The following PRR16 variants were observed in gnomAD, a reference collection of about 807,000 sequenced individuals.
PRR16 encodes protein Largen.
PRR16 carries 6 observed loss-of-function variants against 18.2 expected under a neutral mutation model. The ratio of observed to expected loss-of-function variants is 0.33; its 90% CI spans 0.18 to 0.65. The LOEUF is 0.65. Among genes scored for constraint, PRR16 ranks in the 30% least tolerant of loss-of-function variants. The probability of loss-of-function intolerance (pLI) is 0.74; values close to 1 mark genes in which losing one functional copy is unlikely to be tolerated. For missense variants in PRR16, 412 were observed against 376.6 expected (o/e 1.09, Z -0.78); for synonymous variants, 151 against 147.8 (o/e 1.02, Z -0.16).
At chr5:120,730,676 A>G in the PRR16 span, among the ~76,000 whole-genome samples, 1 of 152,158 alleles carries the variant, frequency 6.6e-6, no homozygotes, top group African/African-American at 2.4e-5. Context: ...TAACTAACTT[A>G]AGGTAATAGG....
At chr5:120,667,808 T>C (rs893573939) in intron 1 of PRR16, among the ~76,000 whole-genome samples, 1 of 152,208 alleles carries the variant, frequency 6.6e-6, no homozygotes, top group Admixed American at 6.5e-5. Flanking sequence ...GATTGCACTG[T>C]GGTCTGAGAG....
the PRR16 span, among the ~76,000 whole-genome samples, chr5:120,741,388 T>G: frequency 3.9e-5 from 6 of 152,176 alleles, no homozygotes; most frequent in African/African-American, 1.4e-4. Context: ...TTTTTACTTA[T>G]GCAACCATAT....
chr5:120,751,192 A>G, the PRR16 span, among the ~76,000 whole-genome samples: 1 of 152,108 alleles, frequency 6.6e-6, no homozygotes, highest in African/African-American at 2.4e-5. Flanking sequence ...TCATTGATCG[A>G]TGGGCACTTA....
chr5:120,767,737 A>C, the PRR16 span, among the ~76,000 whole-genome samples: 1 of 151,864 alleles, frequency 6.6e-6, no homozygotes, highest in South Asian at 2.1e-4. Context: ...TATTTAAAGA[A>C]AGGCAAATGA....
downstream of PRR16, among the ~76,000 whole-genome samples, chr5:120,691,028 G>A (rs1395284139): frequency 1.3e-5 from 2 of 152,042 alleles, no homozygotes; most frequent in Non-Finnish European, 2.9e-5. Context: ...TCAAATGTAG[G>A]TATATATATT....
intron 1 of PRR16, among the ~76,000 whole-genome samples, chr5:120,634,203 G>A (rs1165881660): frequency 6.6e-6 from 1 of 151,922 alleles, no homozygotes; most frequent in African/African-American, 2.4e-5. Context: ...AAATCAAGAT[G>A]GAAATTAAAA....
the PRR16 span, among the ~76,000 whole-genome samples, chr5:120,727,343 G>A: frequency 5.3e-5 from 8 of 151,924 alleles, no homozygotes; most frequent in East Asian, 1.2e-3. Flanking sequence ...GGTGTCTTCC[G>A]AAGAATCTGC....
the PRR16 span, among the ~76,000 whole-genome samples, chr5:120,732,335 C>A: frequency 6.6e-6 from 1 of 152,132 alleles, no homozygotes; most frequent in African/African-American, 2.4e-5. Flanking sequence ...TAGACTTTTC[C>A]TCCATTTTTT....
chr5:120,570,492 T>G (rs1752872455), intron 1 of PRR16, among the ~76,000 whole-genome samples: 1 of 152,174 alleles, frequency 6.6e-6, no homozygotes, highest in African/African-American at 2.4e-5. Context: ...AAACATGACC[T>G]AATGCAAGAA....
Position 120,530,285 on chromosome 5 carries a change from T to TATATATATATATA in PRR16, c.159+65640_159+65641insATATATATATATA, listed in dbSNP as rs375750842. ...TATATATATATATATATATATATAT[T>TATATATATATATA]TATTTATTTATTTATTTATTTATTT... On this transcript the variant is annotated intron_variant, in intron 1 of 1. Coordinates refer to ENST00000407149, the MANE Select transcript of PRR16 (RefSeq NM_001300783.2). Among the ~76,000 whole-genome samples the TATATATATATATA allele has an allele frequency of 3.5e-3, 298 of 84,106 alleles. 1 individual carries two copies. Among genetic ancestry groups the TATATATATATATA allele is most frequent in the African/African-American group, 5.8e-3 (111 of 19,236 alleles). 55.2% of individuals were successfully genotyped at this position (84,106 alleles called of 152,430 possible).
At chr5:120,611,225 G>A (rs1754323413) in intron 1 of PRR16, among the ~76,000 whole-genome samples, 1 of 152,158 alleles carries the variant, frequency 6.6e-6, no homozygotes. Context: ...AGTTTTATAA[G>A]GGAAGCAGAG....
chr5:120,775,562 T>G, the PRR16 span, among the ~76,000 whole-genome samples: 1 of 152,076 alleles, frequency 6.6e-6, no homozygotes, highest in South Asian at 2.1e-4. Context: ...CATTTCTATT[T>G]CATTCTTCAC....
At chr5:120,625,243 T>A (rs2112828850) in intron 1 of PRR16, among the ~76,000 whole-genome samples, 1 of 152,324 alleles carries the variant, frequency 6.6e-6, no homozygotes, top group East Asian at 1.9e-4. Context: ...AACTCAGTGA[T>A]GTTCTATCTT....
chr5:120,576,990 C>G (rs1217739128), intron 1 of PRR16, among the ~76,000 whole-genome samples: 4 of 151,832 alleles, frequency 2.6e-5, no homozygotes, highest in African/African-American at 9.7e-5. Flanking sequence ...TCCATTTGTT[C>G]TATTTCTCTG....
chr5:120,640,610 T>TA (rs1381288205), intron 1 of PRR16, among the ~76,000 whole-genome samples: 1 of 152,186 alleles, frequency 6.6e-6, no homozygotes, highest in Non-Finnish European at 1.5e-5. Context: ...TGGTTGCATG[T>TA]ACTTGTCAGT....
chr5:120,664,050 G>A (rs7703351), intron 1 of PRR16, among the ~76,000 whole-genome samples: 189 of 152,242 alleles, frequency 1.2e-3, no homozygotes, highest in African/African-American at 4.3e-3. Flanking sequence ...TGTAATCTCA[G>A]TACTTTTGGA....
chr5:120,778,979 G>A, the PRR16 span, among the ~76,000 whole-genome samples: 2 of 152,098 alleles, frequency 1.3e-5, no homozygotes, highest in African/African-American at 2.4e-5. Context: ...AAACAAGGAG[G>A]AGGGAGAAAT....
intron 1 of PRR16, among the ~76,000 whole-genome samples, chr5:120,606,714 G>A (rs975696159): frequency 6.6e-6 from 1 of 151,918 alleles, no homozygotes; most frequent in Admixed American, 6.6e-5. Flanking sequence ...TCAAGCTTGG[G>A]CAACATAGTG....
At chr5:120,499,766 CT>C (rs5870893) in intron 1 of PRR16, among the ~76,000 whole-genome samples, 41,951 of 145,312 alleles carry the variant, frequency 0.29, 7,316 homozygotes, top group African/African-American at 0.51. Flanking sequence ...TACTGATTAT[CT>C]TTTTTTTTTT....
Sources: allele counts gnomAD v4.1 joint callset (sites outside exome capture counted in the v4.1 genomes callset), GRCh38; gene constraint gnomAD v4.1.1; transcripts MANE v1.5; gene names NCBI Gene and HGNC (gene_info 2026-07-23, HGNC 2026-07-21).